Variants in MITF observed in about 807,000 individuals in gnomAD.
MITF encodes the protein melanocyte inducing transcription factor, also known as microphthalmia-associated transcription factor.
Under a neutral mutation model 60.5 loss-of-function variants are expected in MITF, and 17 were observed. That is an observed-to-expected ratio of 0.28 (90% CI 0.19 to 0.42). The LOEUF is 0.42. Among genes scored for constraint, MITF ranks in the 10% least tolerant of loss-of-function variants. MITF has a pLI of 1.00. For synonymous variants in MITF, 260 were observed against 248.5 expected (o/e 1.05, Z -0.43); for missense variants, 622 against 683.5 (o/e 0.91, Z 1.00).
At position 69,791,020 on chromosome 3, in the gene MITF, G is replaced by A. The variant is rs573489948; in HGVS notation, c.104+51319G>A. Among the ~76,000 whole-genome samples the A allele has an allele frequency of 2.2e-4, 33 of 152,250 alleles. 1 individual carries two copies. The South Asian group carries it at 6.2e-3, about 29-fold the overall frequency. The stretch of plus-strand genomic sequence containing the variant: ...TCTTTTTAGAGACACTAATTTCTAG[G>A]TTTCTGCTTCTGTTTGAGGTCCTAG... On this transcript the variant is annotated intron_variant, in intron 1 of 9. Transcript: ENST00000352241.
intron 3 of MITF, chr3:69,938,495 G>T: frequency 6.8e-7 from 1 of 1,459,958 alleles, no homozygotes; most frequent in South Asian, 1.5e-5. Flanking sequence ...CCCTGAGTTG[G>T]GGGAAGAAAG....
At chr3:69,745,492 G>T (rs998787383) in intron 1 of MITF, among the ~76,000 whole-genome samples, 1 of 152,208 alleles carries the variant, frequency 6.6e-6, no homozygotes, top group South Asian at 2.1e-4. Flanking sequence ...TGGACAAATA[G>T]GGGTGTTTGA....
At chr3:69,818,777 C>G (rs1054085037) in intron 1 of MITF, among the ~76,000 whole-genome samples, 1 of 151,984 alleles carries the variant, frequency 6.6e-6, no homozygotes, top group East Asian at 1.9e-4. Context: ...TGAACATTTT[C>G]ATAAAATATT....
intron 9 of MITF, among the ~76,000 whole-genome samples, chr3:69,961,120 C>A (rs1424505835): frequency 6.6e-6 from 1 of 152,190 alleles, no homozygotes; most frequent in East Asian, 1.9e-4. Context: ...GCACGTGGCT[C>A]ACGCCTGTAA....
intron 1 of MITF, among the ~76,000 whole-genome samples, chr3:69,744,357 G>A (rs1407913266): frequency 3.5e-5 from 2 of 57,062 alleles, no homozygotes; most frequent in Non-Finnish European, 9.0e-5. Context: ...TTTTTTTTTG[G>A]TCTGTCTAAT....
intron 1 of MITF, among the ~76,000 whole-genome samples, chr3:69,807,652 T>C (rs1195608736): frequency 6.6e-6 from 1 of 152,250 alleles, no homozygotes; most frequent in Non-Finnish European, 1.5e-5. Context: ...AAAACACTTT[T>C]TGTTGAACTT....
intron 1 of MITF, among the ~76,000 whole-genome samples, chr3:69,745,857 T>A (rs1431307725): frequency 6.6e-6 from 1 of 152,234 alleles, no homozygotes; most frequent in Admixed American, 6.5e-5. Flanking sequence ...CCCTTAGGGT[T>A]GGTAGAACTT....
chr3:69,864,479 T>C (rs1033735792), intron 1 of MITF, among the ~76,000 whole-genome samples: 2 of 152,234 alleles, frequency 1.3e-5, no homozygotes, highest in Non-Finnish European at 2.9e-5. Context: ...TCTGCCCACT[T>C]TTCTCCACTT....
intron 1 of MITF, among the ~76,000 whole-genome samples, chr3:69,831,086 C>T (rs971197533): frequency 6.6e-6 from 1 of 152,102 alleles, no homozygotes; most frequent in Non-Finnish European, 1.5e-5. Flanking sequence ...TGCTCTGAGG[C>T]TGAAATGAGA....
intron 2 of MITF, among the ~76,000 whole-genome samples, chr3:69,890,505 A>T (rs554842227): frequency 6.6e-6 from 1 of 152,182 alleles, no homozygotes; most frequent in Non-Finnish European, 1.5e-5. Flanking sequence ...TTAGTTAATC[A>T]TACATTGTTC....
In MITF at chr3:69,967,979, A is replaced by C. The variant is rs2066731869; in HGVS notation, c.*2731A>C. 4.3e-6 allele frequency: 1 copy of C among 233,636 alleles called. No individual in the cohort carries two copies. Among genetic ancestry groups the C allele is most frequent in the East Asian group, 6.0e-5 (1 of 16,574 alleles). 14.5% of individuals were successfully genotyped at this position (233,636 alleles called of 1,614,324 possible). ...GCATACAAGCAACCTGGTCATACATAGGATGACAAAATTCTTTCTGGTTGT... is the reference window on the plus strand; with the variant it reads ...GCATACAAGCAACCTGGTCATACATCGGATGACAAAATTCTTTCTGGTTGT... On this transcript the variant is annotated 3_prime_UTR_variant, in exon 10 of 10. Transcript: ENST00000352241.
At chr3:69,740,089 C>A (rs772443900) in intron 1 of MITF, among the ~76,000 whole-genome samples, 1 of 152,128 alleles carries the variant, frequency 6.6e-6, no homozygotes, top group Non-Finnish European at 1.5e-5. Flanking sequence ...TCTAGTGAAC[C>A]CCCTTTCTGA....
chr3:69,936,029 A>G (rs183851170), intron 2 of MITF, among the ~76,000 whole-genome samples: 9 of 152,254 alleles, frequency 5.9e-5, no homozygotes, highest in Middle Eastern at 3.4e-3. Context: ...TGTGTGTGCT[A>G]TGTTCTATTT....
At chr3:69,808,143 A>G (rs1034442951) in intron 1 of MITF, among the ~76,000 whole-genome samples, 4 of 148,294 alleles carry the variant, frequency 2.7e-5, no homozygotes, top group Non-Finnish European at 4.5e-5. Context: ...ATATATAAAT[A>G]TATATATAAA....
At chr3:69,746,840 G>C (rs970193187) in intron 1 of MITF, among the ~76,000 whole-genome samples, 3 of 152,198 alleles carry the variant, frequency 2.0e-5, no homozygotes, top group Non-Finnish European at 4.4e-5. Flanking sequence ...TGGGATCTCT[G>C]TTGAAATTTC....
rs974278883 is a variant in MITF, at chr3:69,966,792, T to C, written c.*1544T>C. ...GAATTTCTCAGTAGCAGCCTACAAC[T>C]GAATAGCAAGTGGCATAAAGCATAT... On this transcript the variant is annotated 3_prime_UTR_variant, in exon 10 of 10. Coordinates refer to ENST00000352241, the MANE Select transcript of MITF (RefSeq NM_001354604.2). The C allele has an allele frequency of 4.3e-6, 1 of 232,854 alleles. No homozygotes were observed. Among genetic ancestry groups the C allele is most frequent in the East Asian group, 6.1e-5 (1 of 16,402 alleles). The allele number at this position is 232,854 out of a possible 1,614,324, so 14.4% of individuals were successfully genotyped here.
At chr3:69,815,628 C>A (rs2063169522) in intron 1 of MITF, among the ~76,000 whole-genome samples, 1 of 152,146 alleles carries the variant, frequency 6.6e-6, no homozygotes, top group South Asian at 2.1e-4. Flanking sequence ...GGTAAGCCTT[C>A]TGATCAACAG....
chr3:69,940,472 T>C (rs1433436029), intron 4 of MITF, among the ~76,000 whole-genome samples: 1 of 152,240 alleles, frequency 6.6e-6, no homozygotes, highest in African/African-American at 2.4e-5. Context: ...TCATAACTTA[T>C]GTTTTGGTAC....
chr3:69,813,490 G>A (rs3114418), intron 1 of MITF, among the ~76,000 whole-genome samples: 2 of 152,114 alleles, frequency 1.3e-5, no homozygotes, highest in Admixed American at 6.5e-5. Context: ...GAAAGACCTA[G>A]GCCAACTTTC....
Sources: gnomAD v4.1 joint callset for allele counts (sites outside exome capture counted in the v4.1 genomes callset) on GRCh38, gnomAD v4.1.1 for gene constraint, MANE v1.5 for transcripts, NCBI Gene and HGNC (gene_info 2026-07-23, HGNC 2026-07-21) for gene names.